The following BTN3A2 variants were observed in gnomAD, a reference collection of about 807,000 sequenced individuals.
BTN3A2 encodes butyrophilin subfamily 3 member A2, also known as butyrophilin protein.
BTN3A2 carries 25 observed loss-of-function variants against 37.6 expected under a neutral mutation model. The observed-to-expected ratio is 0.66, with a 90% confidence interval of 0.48 to 0.93. The LOEUF is 0.93. Ranked by LOEUF, BTN3A2 falls within the 40% of genes least tolerant of loss-of-function variation. BTN3A2 has a pLI of 0.00. For missense variants in BTN3A2, 266 were observed against 410.9 expected (o/e 0.65, Z 3.05); for synonymous variants, 122 against 159.4 (o/e 0.77, Z 1.77).
chr6:26,373,365 T>A, intron 7 of BTN3A2, 22 bp from the exon 8 acceptor site: 1 of 1,604,834 alleles, frequency 6.2e-7, no homozygotes, highest in East Asian at 2.2e-5. Flanking sequence ...TTGATGACTC[T>A]TCCCTGTTCA....
At chr6:26,365,488 GT>G in intron 1 of BTN3A2, 136 bp downstream of exon 1, 1 of 628,612 alleles carries the variant, frequency 1.6e-6, no homozygotes, top group Non-Finnish European at 2.7e-6. Context: ...GTGTGTGTGT[GT>G]GTGTGTGTGT....
intron 1 of BTN3A2, among the ~76,000 whole-genome samples, chr6:26,367,398 C>T (rs1405146239): frequency 2.0e-5 from 3 of 152,146 alleles, no homozygotes; most frequent in African/African-American, 7.2e-5. Flanking sequence ...CAATTGTGAA[C>T]ATTCTAAGTC....
rs1212287608 is a variant in BTN3A2 at position 26,374,485 on chromosome 6, G to A, written c.*6+112G>A. On this transcript the variant is annotated intron_variant, in intron 9 of 10. Transcript: ENST00000377708. ...TAATCTAAAGACTCAATTTCTGTGTGGTGGGGGTTCACCTCCGCTTTTCTG... is the reference window on the plus strand; with the variant it reads ...TAATCTAAAGACTCAATTTCTGTGTAGTGGGGGTTCACCTCCGCTTTTCTG... 15 of 1,221,622 alleles carry A rather than the reference G, an allele frequency of 1.2e-5. No individual in the cohort carries two copies. The South Asian group carries it at 1.8e-4, about 15-fold the overall frequency. 75.7% of individuals were successfully genotyped at this position (1,221,622 alleles called of 1,614,324 possible).
chr6:26,376,565 C>T lies in BTN3A2; in HGVS notation c.*803C>T, dbSNP rs1581574511. On this transcript the variant is annotated 3_prime_UTR_variant, in exon 11 of 11. Transcript: ENST00000377708. ...GACCCCATGGACACCTCCTCAAACT[C>T]TCTGCAGCAGATGTAATTCTGTATC... 2.2e-6 allele frequency: 3 copies of T among 1,391,206 alleles called. No individual in the cohort carries two copies. Among genetic ancestry groups the T allele is most frequent in the Non-Finnish European group, 2.0e-6 (2 of 1,019,300 alleles). 86.2% of individuals were successfully genotyped at this position (1,391,206 alleles called of 1,614,324 possible).
At chr6:26,375,525 TG>T in intron 10 of BTN3A2, 1 of 1,027,814 alleles carries the variant, frequency 9.7e-7, no homozygotes, top group Middle Eastern at 2.8e-4. Flanking sequence ...GGCCTCCCAT[TG>T]GCCAAACACA....
chr6:26,365,439 G>C lies in BTN3A2; in HGVS notation c.-67+87G>C, dbSNP rs1761957924. 3.4e-6 allele frequency: 5 copies of C among 1,452,212 alleles called. No individual in the cohort carries two copies. The South Asian group carries it at 4.9e-5, about 14-fold the overall frequency. The allele number at this position is 1,452,212 out of a possible 1,614,324, so 90.0% of individuals were successfully genotyped here. On this transcript the variant is annotated intron_variant, in intron 1 of 10. Coordinates refer to ENST00000377708, the MANE Select transcript of BTN3A2 (RefSeq NM_007047.5). ...GCTGAGAGTGGTGAGTGGGCATGCA[G>C]GGAGAGTACTCTCCCAGAGAAAGGG...
In BTN3A2 at chr6:26,370,499, T is replaced by C; in HGVS notation, c.611T>C (p.Val204Ala). ...VVADGVGLYE[V>A]AASVIMRGGS... ...GCAGATGGAGTGGGCCTATATGAAG[T>C]AGCAGCATCTGTGATCATGAGAGGC... is the stretch of plus-strand genomic sequence containing the variant. Residue 204 changes from valine (V) to alanine (A), a missense_variant, in exon 5 of 11, where the codon GTA becomes GCA. Physicochemically the swap from Val to Ala is moderately conservative, Grantham distance 64. This residue lies in a region of BTN3A2 where 204 missense variants were observed against 232.6 expected (regional missense o/e 0.88). Coordinates refer to ENST00000377708, the MANE Select transcript of BTN3A2 (RefSeq NM_007047.5). 4 of 1,614,194 alleles carry C rather than the reference T, an allele frequency of 2.5e-6. No homozygotes were observed. The highest frequency in any genetic ancestry group is 3.4e-6 in the Non-Finnish European group (4 of 1,180,036).
At position 26,377,098 on chromosome 6, in the gene BTN3A2, C is replaced by T; in HGVS notation, c.*1336C>T. On this transcript the variant is annotated 3_prime_UTR_variant, in exon 11 of 11. Coordinates refer to ENST00000377708, the MANE Select transcript of BTN3A2 (RefSeq NM_007047.5). ...ACTGCCCTGACCGTTTGCCCAATAC[C>T]AAAAGTAGAGAGTTCCCCCGATCCC... The T allele has an allele frequency of 7.5e-7, 1 of 1,331,938 alleles. No homozygotes were observed. Among genetic ancestry groups the T allele is most frequent in the Non-Finnish European group, 1.1e-6 (1 of 924,056 alleles). The allele number at this position is 1,331,938 out of a possible 1,614,324, so 82.5% of individuals were successfully genotyped here. A position where few individuals can be genotyped will look rare whatever the true frequency, so the allele number is the denominator to read the frequency against.
downstream of BTN3A2, chr6:26,378,314 T>C (rs560461020): frequency 6.6e-6 from 1 of 152,312 alleles, no homozygotes; most frequent in South Asian, 2.1e-4. Flanking sequence ...TAATGCTGAC[T>C]CTTCAACTTG....
Position 26,373,001 on chromosome 6 carries a change from C to T in BTN3A2, c.820C>T (p.Gln274Ter), listed in dbSNP as rs1581559485. The change falls in exon 6 of 11, where the codon CAG becomes TAG. Residue 274 changes from glutamine to a stop codon, truncating the protein, a stop_gained. Transcript: ENST00000377708. LOFTEE classifies it high-confidence loss of function. ...AGASYFLWRQ[Q>*]KEITALSSEI... ...AGCCAGTTACTTCTTGTGGAGACAACAGAAGGAAATAACTGCTCTGTCCAG... is the reference window on the plus strand; with the variant it reads ...AGCCAGTTACTTCTTGTGGAGACAATAGAAGGAAATAACTGCTCTGTCCAG... The T allele has an allele frequency of 6.2e-7, 1 of 1,614,106 alleles. No individual in the cohort carries two copies.
Position 26,376,658 on chromosome 6 carries a change from C to G in BTN3A2, c.*896C>G, listed in dbSNP as rs1760733487. 4 of 1,504,346 alleles carry G rather than the reference C, an allele frequency of 2.7e-6. No individual in the cohort carries two copies. Among genetic ancestry groups the G allele is most frequent in the East Asian group, 2.3e-5 (1 of 44,100 alleles). The allele number at this position is 1,504,346 out of a possible 1,614,324, so 93.2% of individuals were successfully genotyped here. ...GGAGTGTACAGCGTGCTGAGGAGCCCCATGACCTACCAGACAACCCTGAGA... is the reference window on the plus strand; with the variant it reads ...GGAGTGTACAGCGTGCTGAGGAGCCGCATGACCTACCAGACAACCCTGAGA... On this transcript the variant is annotated 3_prime_UTR_variant, in exon 11 of 11. Transcript: ENST00000377708.
chr6:26,373,218 C>G, intron 6 of BTN3A2, 58 bp from the exon 7 acceptor site: 1 of 1,599,052 alleles, frequency 6.3e-7, no homozygotes, highest in Non-Finnish European at 8.5e-7. Flanking sequence ...AAACACCAAC[C>G]TCACCCATAA....
Position 26,376,853 on chromosome 6 carries a change from T to A in BTN3A2, c.*1091T>A. ...TGACACCGGAGAACGGATACTGGAC[T>A]ATGGGCCTGACTGATGGGAATAAGT... is the stretch of plus-strand genomic sequence containing the variant. On this transcript the variant is annotated 3_prime_UTR_variant, in exon 11 of 11. Coordinates refer to ENST00000377708, the MANE Select transcript of BTN3A2 (RefSeq NM_007047.5). The A allele has an allele frequency of 8.1e-6, 13 of 1,613,968 alleles. No individual in the cohort carries two copies. Among genetic ancestry groups the A allele is most frequent in the Non-Finnish European group, 1.1e-5 (13 of 1,179,956 alleles).
chr6:26,366,912 G>T (rs1260909837), intron 1 of BTN3A2, among the ~76,000 whole-genome samples: 1 of 152,132 alleles, frequency 6.6e-6, no homozygotes. Flanking sequence ...ATAATAATTA[G>T]TTATTAACTA....
chr6:26,373,662 C>A, intron 8 of BTN3A2: 1 of 397,872 alleles, frequency 2.5e-6, no homozygotes. Context: ...CTCTAAAAAG[C>A]ACTGAGGAAT....
chr6:26,373,201 T>C (rs1195765680), intron 6 of BTN3A2, 75 bp from the exon 7 acceptor site: 1 of 1,602,282 alleles, frequency 6.2e-7, no homozygotes, highest in African/African-American at 1.3e-5. Context: ...TTAAGGTTTA[T>C]TTCCCGAAAC....
chr6:26,371,544 T>C (rs1760115362), intron 5 of BTN3A2, among the ~76,000 whole-genome samples: 1 of 152,242 alleles, frequency 6.6e-6, no homozygotes, highest in Non-Finnish European at 1.5e-5. Context: ...CAACCTCTGT[T>C]GGGGGCTCTA....
chr6:26,368,090 G>A (rs184210530), intron 2 of BTN3A2, 40 bp downstream of exon 2: 4 of 1,595,570 alleles, frequency 2.5e-6, no homozygotes, highest in Admixed American at 3.4e-5. Context: ...GTTAGCCCTG[G>A]GGAAGTGGAC....
Position 26,377,363 on chromosome 6 carries a change from G to T in BTN3A2, c.*1601G>T, listed in dbSNP as rs1979. ...GTTTGAGTTTGGTGCCACCTTATTG[G>T]CCCCTTTATACAGATAAGGAAACTG... On this transcript the variant is annotated 3_prime_UTR_variant, in exon 11 of 11. Coordinates refer to ENST00000377708, the MANE Select transcript of BTN3A2 (RefSeq NM_007047.5). 0.089 allele frequency: 52,454 copies of T among 588,544 alleles called. 2,873 individuals carry two copies. Among genetic ancestry groups the T allele is most frequent in the East Asian group, 0.14 (4,300 of 31,470 alleles). The allele number at this position is 588,544 out of a possible 1,614,324, so 36.5% of individuals were successfully genotyped here.
Sources: allele counts gnomAD v4.1 joint callset (sites outside exome capture counted in the v4.1 genomes callset), GRCh38; gene constraint gnomAD v4.1.1; regional missense constraint gnomAD v4.1.1; transcripts MANE v1.5; gene names NCBI Gene and HGNC (gene_info 2026-07-23, HGNC 2026-07-21).